BANF2: variants seen among roughly 807,000 people sequenced by gnomAD.
BANF2 encodes BANF family member 2.
BANF2 carries 4 observed loss-of-function variants against 8.0 expected under a neutral mutation model. That is an observed-to-expected ratio of 0.50 (90% CI 0.25 to 1.14). The LOEUF is 1.14. Ranked by LOEUF, BANF2 falls within the 50% of genes most tolerant of loss-of-function variation. The pLI is 0.16. For missense variants in BANF2, 96 were observed against 107.5 expected (o/e 0.89, Z 0.47); for synonymous variants, 50 against 40.6 (o/e 1.23, Z -0.88).
upstream of BANF2, among the ~76,000 whole-genome samples, chr20:17,699,283 C>G (rs899514160): frequency 5.3e-5 from 8 of 152,206 alleles, no homozygotes; most frequent in Admixed American, 5.2e-4. Context: ...TACTTTGCCC[C>G]CTTTTTTGAG....
At chr20:17,722,142 C>T (rs1367501223) in intron 1 of BANF2, among the ~76,000 whole-genome samples, 1 of 152,208 alleles carries the variant, frequency 6.6e-6, no homozygotes, top group South Asian at 2.1e-4. Context: ...TTCTGACCTC[C>T]GACGTTGCTG....
chr20:17,732,355 T>C (rs1010774387), intron 3 of BANF2, among the ~76,000 whole-genome samples: 1 of 152,308 alleles, frequency 6.6e-6, no homozygotes. Flanking sequence ...ATTCTGCCCT[T>C]GAGCCCCCAT....
At position 17,728,423 on chromosome 20, in the gene BANF2, G is replaced by A. The variant is rs1264423102; in HGVS notation, c.126+3272G>A. The stretch of plus-strand genomic sequence containing the variant: ...GCCCTGGGGGAGATGAGACACCAGC[G>A]CCCCCGCTCCACCCCGCCAATTTAT... On this transcript the variant is annotated intron_variant, in intron 3 of 3. Coordinates refer to ENST00000246090, the MANE Select transcript of BANF2 (RefSeq NM_178477.5). Among the ~76,000 whole-genome samples the A allele has an allele frequency of 2.0e-5, 3 of 152,140 alleles. No individual in the cohort carries two copies. The East Asian group carries it at 5.8e-4, about 29-fold the overall frequency.
chr20:17,730,886 A>G (rs768580696), intron 3 of BANF2, among the ~76,000 whole-genome samples: 6 of 152,342 alleles, frequency 3.9e-5, no homozygotes, highest in Middle Eastern at 6.8e-3. Flanking sequence ...CAAAATTCAC[A>G]TTTCAGATAA....
At position 17,735,783 on chromosome 20, in the gene BANF2, T is replaced by A; in HGVS notation, c.245T>A (p.Leu82His). The A allele has an allele frequency of 6.2e-7, 1 of 1,613,938 alleles. No individual in the cohort carries two copies. The highest frequency in any genetic ancestry group is 8.5e-7 in the Non-Finnish European group (1 of 1,179,988). Reference sequence around the variant, plus strand: ...GAGGCCCAGCAGACTTCTCACTGCCTCAAGGAGTGGTGTGCCTGCTTCCTG... The same window carrying A: ...GAGGCCCAGCAGACTTCTCACTGCCACAAGGAGTGGTGTGCCTGCTTCCTG... ...ECEAQQTSHCLKEWCACFL is the reference protein window; with the variant it reads ...ECEAQQTSHCHKEWCACFL Residue 82 changes from leucine (L) to histidine (H), a missense_variant, in exon 4 of 4, where the codon CTC (leucine) becomes CAC (histidine). Transcript: ENST00000246090.
chr20:17,733,268 G>C (rs1472787030), intron 3 of BANF2, among the ~76,000 whole-genome samples: 3 of 152,224 alleles, frequency 2.0e-5, no homozygotes, highest in African/African-American at 7.2e-5. Flanking sequence ...TGCAGGAATA[G>C]TGCAGAGGAA....
chr20:17,722,526 G>T (rs747086587), intron 1 of BANF2, among the ~76,000 whole-genome samples, 190 bp from the exon 2 acceptor site: 1 of 152,170 alleles, frequency 6.6e-6, no homozygotes, highest in Non-Finnish European at 1.5e-5. Context: ...GTGCTGAGGC[G>T]TTCTCCTGTT....
chr20:17,709,417 A>G (rs1402561914), intron 1 of BANF2, among the ~76,000 whole-genome samples: 1 of 152,188 alleles, frequency 6.6e-6, no homozygotes, highest in Non-Finnish European at 1.5e-5. Context: ...ATCTTGGGCG[A>G]GGCATTCTGT....
intron 3 of BANF2, among the ~76,000 whole-genome samples, chr20:17,730,681 G>A (rs2037881567): frequency 6.6e-6 from 1 of 152,186 alleles, no homozygotes; most frequent in Admixed American, 6.5e-5. Context: ...TTCAGGACCA[G>A]AAGGCCGCAG....
chr20:17,700,508 C>A (rs149938818), intron 1 of BANF2, among the ~76,000 whole-genome samples: 1 of 152,202 alleles, frequency 6.6e-6, no homozygotes, highest in African/African-American at 2.4e-5. Context: ...ATGTGAACGA[C>A]GGTCCTTCCT....
chr20:17,734,727 C>A (rs941650591), intron 3 of BANF2, among the ~76,000 whole-genome samples: 5 of 152,170 alleles, frequency 3.3e-5, no homozygotes, highest in Non-Finnish European at 5.9e-5. Context: ...GAACATCCTG[C>A]AATGCACAGG....
chr20:17,712,072 G>C (rs1214564674), intron 1 of BANF2: 7 of 152,608 alleles, frequency 4.6e-5, no homozygotes, highest in African/African-American at 1.4e-4. Flanking sequence ...CACGGAATCT[G>C]CAGGATGATG....
chr20:17,725,151 G>T lies in BANF2; in HGVS notation c.126G>T (p.Lys42Asn). 1 of 1,611,350 alleles carries T rather than the reference G, an allele frequency of 6.2e-7. No homozygotes were observed. Among genetic ancestry groups the T allele is most frequent in the Admixed American group, 1.7e-5 (1 of 60,014 alleles). ...ATTTGGTCACCAAAGGTATCAATAA[G>T]GTAATTCATATTTTCTTACTTCTCT... ...AINLVTKGIN[K>N]AYILLGQFLL... is the part of the protein sequence containing the mutation. The change falls in exon 3 of 4, where the codon AAG becomes AAT. Residue 42 changes from lysine (K) to asparagine (N), a missense_variant and splice_region_variant. Coordinates refer to ENST00000246090, the MANE Select transcript of BANF2 (RefSeq NM_178477.5).
Position 17,718,732 on chromosome 20 carries a change from C to A in BANF2, c.-166-3984C>A, listed in dbSNP as rs547922370. On this transcript the variant is annotated intron_variant, in intron 1 of 3. Transcript: ENST00000246090. ...CTTAAAGGATGTCAAACATTTGCAA[C>A]TGGGAGGTCATTCCTTTGGGAATTG... is the stretch of plus-strand genomic sequence containing the variant. Among the ~76,000 whole-genome samples the A allele has an allele frequency of 2.0e-5, 3 of 152,326 alleles. No individual in the cohort carries two copies. The East Asian group carries it at 5.8e-4, about 29-fold the overall frequency.
intron 1 of BANF2, among the ~76,000 whole-genome samples, chr20:17,712,790 G>A (rs990772604): frequency 2.6e-5 from 4 of 152,210 alleles, no homozygotes; most frequent in Admixed American, 2.6e-4. Context: ...GTACTCATAA[G>A]GGGGTGTATA....
chr20:17,722,586 A>G, intron 1 of BANF2, 130 bp from the exon 2 acceptor site: 1 of 310,742 alleles, frequency 3.2e-6, no homozygotes, highest in Non-Finnish European at 4.7e-6. Context: ...ATTTTCACAG[A>G]TGAAGAGTGA....
intron 3 of BANF2, among the ~76,000 whole-genome samples, chr20:17,725,521 G>A (rs553851762): frequency 9.8e-5 from 15 of 152,348 alleles, no homozygotes; most frequent in Middle Eastern, 3.4e-3. Context: ...ATGGCATCTC[G>A]CTTGCCCCTG....
chr20:17,700,050 C>G lies in BANF2; in HGVS notation c.-172C>G. 5 of 975,292 alleles carry G rather than the reference C, an allele frequency of 5.1e-6. No individual in the cohort carries two copies. Among genetic ancestry groups the G allele is most frequent in the Non-Finnish European group, 4.9e-6 (4 of 820,676 alleles). 60.4% of individuals were successfully genotyped at this position (975,292 alleles called of 1,614,324 possible). ...CCAGCTGCCACTGGCTTATCAGGAG[C>G]ACCTGGTGAGTATTCAGAACTTTCC... On this transcript the variant is annotated 5_prime_UTR_variant, in exon 1 of 4. Transcript: ENST00000246090.
At chr20:17,713,292 A>G (rs534283613) in intron 1 of BANF2, among the ~76,000 whole-genome samples, 36 of 152,152 alleles carry the variant, frequency 2.4e-4, no homozygotes, top group African/African-American at 8.2e-4. Flanking sequence ...ATCCTGTTGC[A>G]TGGATGCACC....
Sources: gnomAD v4.1 joint callset for allele counts (sites outside exome capture counted in the v4.1 genomes callset) on GRCh38, gnomAD v4.1.1 for gene constraint, MANE v1.5 for transcripts, NCBI Gene and HGNC (gene_info 2026-07-23, HGNC 2026-07-21) for gene names.